Variants in DGKI observed in about 807,000 individuals in gnomAD.
DGKI encodes the protein diacylglycerol kinase iota, also known as DAG kinase iota.
In DGKI, 55 loss-of-function variants were observed where a neutral mutation model predicts 147.5. The ratio of observed to expected loss-of-function variants is 0.37; its 90% CI spans 0.30 to 0.47. The LOEUF is 0.47. Ranked by LOEUF, DGKI falls within the 20% of genes least tolerant of loss-of-function variation. The pLI, the probability that DGKI is intolerant of heterozygous loss-of-function variation, is 1.00. For missense variants in DGKI, 1,007 were observed against 1,323.8 expected (o/e 0.76, Z 3.71); for synonymous variants, 469 against 477.1 (o/e 0.98, Z 0.22).
chr7:137,594,699 T>C (rs773472340), intron 12 of DGKI, among the ~76,000 whole-genome samples: 9 of 152,218 alleles, frequency 5.9e-5, no homozygotes, highest in Non-Finnish European at 1.2e-4. Flanking sequence ...TCTTCATGAA[T>C]TCCTCAGGCT....
chr7:137,445,284 A>G (rs1813670444), intron 27 of DGKI, among the ~76,000 whole-genome samples: 1 of 152,240 alleles, frequency 6.6e-6, no homozygotes, highest in South Asian at 2.1e-4. Context: ...AAGGCCTTGA[A>G]CCTCAATGAG....
In DGKI at chr7:137,408,118, G is replaced by A. The variant is rs1336458868; in HGVS notation, c.2800-123C>T. 5 of 1,197,928 alleles carry A rather than the reference G, an allele frequency of 4.2e-6. No homozygotes were observed. In the Admixed American group the frequency reaches 7.5e-5, roughly 18 times the overall value. The allele number at this position is 1,197,928 out of a possible 1,614,324, so 74.2% of individuals were successfully genotyped here. A position where few individuals can be genotyped will look rare whatever the true frequency, so the allele number is the denominator to read the frequency against. ...TGTTTCCAGCCTTAGAGGACATAGA[G>A]AAAAGTCAAAAAGGTGAAGTAACAT... On this transcript the variant is annotated intron_variant, in intron 29 of 32. Transcript: ENST00000614521.
intron 19 of DGKI, among the ~76,000 whole-genome samples, chr7:137,559,669 A>G (rs1190327190): frequency 6.6e-6 from 1 of 152,120 alleles, no homozygotes; most frequent in East Asian, 1.9e-4. Context: ...TTGTTTAATG[A>G]AAGTAGATTC....
chr7:137,580,198 A>G (rs894469492), intron 15 of DGKI, among the ~76,000 whole-genome samples: 2 of 152,122 alleles, frequency 1.3e-5, no homozygotes, highest in African/African-American at 4.8e-5. Context: ...GTGTTACTTT[A>G]CAAGTATTAT....
At chr7:137,769,189 A>G (rs770702199) in intron 1 of DGKI, among the ~76,000 whole-genome samples, 17 of 152,204 alleles carry the variant, frequency 1.1e-4, no homozygotes, top group Non-Finnish European at 2.5e-4. Context: ...AGAAAATGCA[A>G]AAGAAGCCGA....
chr7:137,527,718 G>T (rs1817202065), intron 20 of DGKI, among the ~76,000 whole-genome samples: 1 of 152,030 alleles, frequency 6.6e-6, no homozygotes, highest in Non-Finnish European at 1.5e-5. Context: ...CTCATATAGA[G>T]TTGTTTTTCT....
rs147786324 is a variant in DGKI, at chr7:137,604,858, G to C, written c.1167+4108C>G. ...CTCAGAAAGATGCTAATGAGTCCAG[G>C]ACCTCAAAGAAAAATCTAAGTTTTG... On this transcript the variant is annotated intron_variant, in intron 10 of 32. Coordinates refer to ENST00000614521, the MANE Select transcript of DGKI (RefSeq NM_001321708.2). 4.1e-4 allele frequency among the ~76,000 whole-genome samples: 62 copies of C among 152,242 alleles called. 2 individuals carry two copies. The East Asian group carries it at 0.011, about 27-fold the overall frequency.
intron 17 of DGKI, among the ~76,000 whole-genome samples, chr7:137,574,628 G>T (rs1465843347): frequency 6.6e-6 from 1 of 152,108 alleles, no homozygotes; most frequent in African/African-American, 2.4e-5. Context: ...GCTTTACAGA[G>T]ATTTTTTTAT....
At chr7:137,649,804 T>C (rs1821961445) in intron 5 of DGKI, among the ~76,000 whole-genome samples, 1 of 149,546 alleles carries the variant, frequency 6.7e-6, no homozygotes, top group Non-Finnish European at 1.5e-5. Context: ...TCATAGAGTT[T>C]GAAAGGACCT....
chr7:137,508,172 A>AACAGCCT (rs1585182006), intron 21 of DGKI, among the ~76,000 whole-genome samples: 3 of 151,960 alleles, frequency 2.0e-5, no homozygotes, highest in Non-Finnish European at 2.9e-5. Flanking sequence ...TACTGACCAA[A>AACAGCCT]ACAGCCTTCA....
At chr7:137,756,644 G>A (rs904568038) in intron 1 of DGKI, among the ~76,000 whole-genome samples, 2 of 152,096 alleles carry the variant, frequency 1.3e-5, no homozygotes, top group African/African-American at 4.8e-5. Flanking sequence ...ATGCAGTGCT[G>A]TTCTTAAAGA....
At chr7:137,722,022 A>C in intron 1 of DGKI, 1 of 1,584,922 alleles carries the variant, frequency 6.3e-7, no homozygotes, top group Non-Finnish European at 8.5e-7. Flanking sequence ...CAGATACTAA[A>C]GAGAAGAAAC....
intron 1 of DGKI, among the ~76,000 whole-genome samples, chr7:137,717,621 TA>T (rs1321083300): frequency 2.1e-4 from 32 of 152,212 alleles, no homozygotes; most frequent in Non-Finnish European, 1.5e-5. Context: ...GAAATATTTT[TA>T]TGTTGATTTT....
At chr7:137,669,386 G>T (rs1822762005) in intron 3 of DGKI, among the ~76,000 whole-genome samples, 1 of 152,192 alleles carries the variant, frequency 6.6e-6, no homozygotes, top group Non-Finnish European at 1.5e-5. Flanking sequence ...CTAAGCAACA[G>T]GAATACTGGT....
intron 1 of DGKI, among the ~76,000 whole-genome samples, chr7:137,761,576 C>T (rs1795857472): frequency 6.6e-6 from 1 of 152,194 alleles, no homozygotes; most frequent in Admixed American, 6.5e-5. Context: ...ATACTCTTCA[C>T]CATGTTCTCC....
chr7:137,661,710 TCTC>T (rs1339114007), intron 3 of DGKI, among the ~76,000 whole-genome samples: 1 of 152,018 alleles, frequency 6.6e-6, no homozygotes, highest in African/African-American at 2.4e-5. Flanking sequence ...TCCTCCCCCT[TCTC>T]CTTCCCTTTT....
chr7:137,597,517 AG>A (rs1179222090), intron 12 of DGKI, among the ~76,000 whole-genome samples: 2 of 152,174 alleles, frequency 1.3e-5, no homozygotes, highest in African/African-American at 2.4e-5. Flanking sequence ...CAAATTATTA[AG>A]AATAAATGGA....
chr7:137,642,932 G>GTGTGTT (rs1243521777), intron 6 of DGKI, among the ~76,000 whole-genome samples: 1 of 143,806 alleles, frequency 7.0e-6, no homozygotes. Context: ...ATGGAATAGT[G>GTGTGTT]TGTGTGTGTG....
chr7:137,776,411 C>T (rs946026835), intron 1 of DGKI, among the ~76,000 whole-genome samples: 4 of 152,186 alleles, frequency 2.6e-5, no homozygotes, highest in African/African-American at 9.7e-5. Flanking sequence ...ATAGTTTGGT[C>T]TGCCTAGAGA....
Sources: gnomAD v4.1 joint callset for allele counts (sites outside exome capture counted in the v4.1 genomes callset) on GRCh38, gnomAD v4.1.1 for gene constraint, MANE v1.5 for transcripts, NCBI Gene and HGNC (gene_info 2026-07-23, HGNC 2026-07-21) for gene names.